ALK: variants seen among roughly 807,000 people sequenced by gnomAD.
The protein encoded by ALK is ALK tyrosine kinase receptor.
In ALK, 74 loss-of-function variants were observed where a neutral mutation model predicts 163.1. The observed-to-expected ratio is 0.45, with a 90% CI of 0.38 to 0.55. ALK has a LOEUF of 0.55. Ranked by LOEUF, ALK falls within the 20% of genes least tolerant of loss-of-function variation. The probability of loss-of-function intolerance (pLI) is 0.00; values close to 1 mark genes in which losing one functional copy is unlikely to be tolerated. For synonymous variants in ALK, 960 were observed against 843.2 expected, an observed-to-expected ratio of 1.14 and a Z score of -2.40; for missense variants, 2,063 against 2,105.3, an observed-to-expected ratio of 0.98 and a Z score of 0.39.
At chr2:29,212,169 C>T (rs1234267022) in intron 24 of ALK, among the ~76,000 whole-genome samples, 1 of 152,190 alleles carries the variant, frequency 6.6e-6, no homozygotes, top group East Asian at 1.9e-4. Flanking sequence ...CATCTGGCCA[C>T]CAGGTGACGC....
intron 1 of ALK, among the ~76,000 whole-genome samples, chr2:29,812,790 G>A (rs1664791032): frequency 6.6e-6 from 1 of 152,098 alleles, no homozygotes; most frequent in African/African-American, 2.4e-5. Flanking sequence ...TTCCCACCTG[G>A]GCTTCACGTA....
chr2:29,729,925 G>C (rs1293344932), intron 1 of ALK, among the ~76,000 whole-genome samples: 1 of 152,226 alleles, frequency 6.6e-6, no homozygotes, highest in Non-Finnish European at 1.5e-5. Flanking sequence ...TTGTGACTTG[G>C]TTTTCACTCA....
intron 14 of ALK, 36 bp from the exon 15 acceptor site, chr2:29,232,484 A>G (rs1325294778): frequency 1.9e-6 from 3 of 1,613,802 alleles, no homozygotes; most frequent in East Asian, 2.2e-5. Context: ...TGAGAAACCG[A>G]GCTGTGCTTC....
intron 1 of ALK, among the ~76,000 whole-genome samples, chr2:29,839,606 C>G (rs2148393698): frequency 6.6e-6 from 1 of 152,246 alleles, no homozygotes; most frequent in East Asian, 1.9e-4. Context: ...GGTTGTCTCG[C>G]CATTCCCAGC....
intron 1 of ALK, among the ~76,000 whole-genome samples, chr2:29,789,015 C>CTGTGTGTGTG (rs57619106): frequency 0.17 from 20,919 of 125,160 alleles, 2,538 homozygotes; most frequent in East Asian, 0.23. Context: ...TCCTGGTACA[C>CTGTGTGTGTG]TGTGTGTGTG....
At chr2:29,874,179 C>T (rs1234014500) in intron 1 of ALK, among the ~76,000 whole-genome samples, 1 of 152,142 alleles carries the variant, frequency 6.6e-6, no homozygotes, top group Non-Finnish European at 1.5e-5. Context: ...TATGACTGTT[C>T]TTGTGACTTC....
At chr2:29,785,349 G>A (rs1663981415) in intron 1 of ALK, among the ~76,000 whole-genome samples, 1 of 152,114 alleles carries the variant, frequency 6.6e-6, no homozygotes, top group African/African-American at 2.4e-5. Flanking sequence ...TGTTGCTTCA[G>A]GAAAACCAGA....
intron 3 of ALK, among the ~76,000 whole-genome samples, chr2:29,595,041 G>A (rs940234973): frequency 9.2e-5 from 14 of 152,016 alleles, no homozygotes; most frequent in Admixed American, 2.6e-4. Flanking sequence ...CTTTTTACAC[G>A]ATTAAAAACA....
chr2:29,373,623 G>A (rs569403641), intron 5 of ALK, among the ~76,000 whole-genome samples: 5 of 152,308 alleles, frequency 3.3e-5, no homozygotes, highest in East Asian at 3.9e-4. Flanking sequence ...CACTTCATGG[G>A]GCATTTTAAA....
intron 5 of ALK, among the ~76,000 whole-genome samples, chr2:29,342,751 T>A (rs1667829963): frequency 6.6e-6 from 1 of 151,988 alleles, no homozygotes; most frequent in African/African-American, 2.4e-5. Flanking sequence ...TTCTTTTAAA[T>A]CCCCTTTCTG....
intron 3 of ALK, among the ~76,000 whole-genome samples, chr2:29,681,643 T>C (rs1261743374): frequency 6.6e-6 from 1 of 152,158 alleles, no homozygotes; most frequent in Non-Finnish European, 1.5e-5. Flanking sequence ...TGGGAATATA[T>C]GCAGCCATAA....
At chr2:29,360,224 C>G (rs559077458) in intron 5 of ALK, among the ~76,000 whole-genome samples, 2 of 152,218 alleles carry the variant, frequency 1.3e-5, no homozygotes, top group Admixed American at 1.3e-4. Context: ...CATGGCTTTT[C>G]TGGCACAGTT....
rs151065073 is a variant in ALK at position 29,589,329 on chromosome 2, C to T, written c.953-57213G>A. ...GAGGGTCACAGGCAGGACAAATTGC[C>T]GTGAATATACCAGAGCTGTGTGACC... On this transcript the variant is annotated intron_variant, in intron 3 of 28. Transcript: ENST00000389048. Among the ~76,000 whole-genome samples, 40 of 152,228 alleles carry T rather than the reference C, an allele frequency of 2.6e-4. 1 individual carries two copies. The highest frequency in any genetic ancestry group is 9.4e-4 in the African/African-American group (39 of 41,526).
intron 23 of ALK, among the ~76,000 whole-genome samples, chr2:29,219,501 A>C (rs1669726911): frequency 6.6e-6 from 1 of 151,966 alleles, no homozygotes; most frequent in African/African-American, 2.4e-5. Context: ...TGGGAGCGGG[A>C]GGGTGGCCGC....
chr2:29,258,178 T>A (rs1303651489), intron 11 of ALK, among the ~76,000 whole-genome samples: 2 of 152,190 alleles, frequency 1.3e-5, no homozygotes, highest in African/African-American at 4.8e-5. Context: ...GACTGCAGCA[T>A]TTCCCAGATT....
At chr2:29,338,917 A>C (rs1667706252) in intron 5 of ALK, among the ~76,000 whole-genome samples, 1 of 152,204 alleles carries the variant, frequency 6.6e-6, no homozygotes, top group Non-Finnish European at 1.5e-5. Context: ...GAGCTTCTAC[A>C]ATGTGCCCAG....
At chr2:29,273,988 T>C (rs1238683183) in intron 11 of ALK, among the ~76,000 whole-genome samples, 3 of 152,102 alleles carry the variant, frequency 2.0e-5, no homozygotes, top group African/African-American at 7.2e-5. Context: ...TGTGTGGGAA[T>C]ATACAAAGGT....
At chr2:29,697,848 T>G (rs1012325456) in intron 2 of ALK, among the ~76,000 whole-genome samples, 2 of 152,134 alleles carry the variant, frequency 1.3e-5, no homozygotes, top group African/African-American at 4.8e-5. Flanking sequence ...CAGAATACAG[T>G]GGGGGCAGAT....
intron 4 of ALK, among the ~76,000 whole-genome samples, chr2:29,394,313 G>C (rs1456463247): frequency 7.9e-6 from 1 of 126,728 alleles, no homozygotes; most frequent in Non-Finnish European, 1.7e-5. Flanking sequence ...TGATTATCCA[G>C]ACCAGAAAAA....
Sources: gnomAD v4.1 joint callset for allele counts (sites outside exome capture counted in the v4.1 genomes callset) on GRCh38, gnomAD v4.1.1 for gene constraint, MANE v1.5 for transcripts, NCBI Gene and HGNC (gene_info 2026-07-23, HGNC 2026-07-21) for gene names.